The following CYP4F22 variants were observed in gnomAD, a reference collection of about 807,000 sequenced individuals.
CYP4F22 encodes the protein ultra-long-chain fatty acid omega-hydroxylase.
A neutral mutation model predicts 60.4 loss-of-function variants in CYP4F22; 37 were observed. That is an observed-to-expected ratio of 0.61 (90% CI 0.47 to 0.81). The LOEUF is 0.81. Among genes scored for constraint, CYP4F22 ranks in the 30% least tolerant of loss-of-function variants. The pLI is 0.00. For missense variants in CYP4F22, 655 were observed against 715.0 expected (o/e 0.92, Z 0.96); for synonymous variants, 258 against 280.5 (o/e 0.92, Z 0.80).
Position 15,529,828 on chromosome 19 carries a change from C to T in CYP4F22, c.342C>T (p.Tyr114=). 3 of 1,614,176 alleles carry T rather than the reference C, an allele frequency of 1.9e-6. No individual in the cohort carries two copies. Among genetic ancestry groups the T allele is most frequent in the Non-Finnish European group, 2.5e-6 (3 of 1,180,046 alleles). Residue 114 remains tyrosine (Y), a synonymous_variant, in exon 4 of 14, where the codon TAC becomes TAT. Transcript: ENST00000269703. Reference sequence around the variant, plus strand: ...TGTTGGTTCTGGTGCACCCTGATTACATCAAACCCCTTTTGGGAGCCTCAG... The same window carrying T: ...TGTTGGTTCTGGTGCACCCTGATTATATCAAACCCCTTTTGGGAGCCTCAG... ...LPLLVLVHPD[Y]IKPLLGASAA...
chr19:15,520,212 G>A (rs777778894), intron 1 of CYP4F22, among the ~76,000 whole-genome samples: 16 of 151,802 alleles, frequency 1.1e-4, no homozygotes, highest in Non-Finnish European at 2.4e-4. Context: ...TGGGCGTGGT[G>A]GTGGGCGCCT....
At chr19:15,519,682 C>T (rs1288643526) in intron 1 of CYP4F22, among the ~76,000 whole-genome samples, 1 of 152,064 alleles carries the variant, frequency 6.6e-6, no homozygotes, top group African/African-American at 2.4e-5. Flanking sequence ...ATAGGAGTCA[C>T]AGGCTGTTAG....
Position 15,540,631 on chromosome 19 carries a change from G to T in CYP4F22, c.853G>T (p.Ala285Ser). Reference protein sequence around the residue: ...TTEVIQERRRALRQQGAEAWL... With the variant: ...TTEVIQERRRSLRQQGAEAWL... ...TGAAGTCATCCAGGAACGGCGGCGG[G>T]CACTGCGTCAGCAGGGGGCCGAGGC... Residue 285 changes from alanine to serine, a missense_variant, in exon 8 of 14, where the codon GCA becomes TCA. Coordinates refer to ENST00000269703, the MANE Select transcript of CYP4F22 (RefSeq NM_173483.4). The T allele has an allele frequency of 1.2e-6, 2 of 1,614,252 alleles. No homozygotes were observed. Among genetic ancestry groups the T allele is most frequent in the Non-Finnish European group, 1.7e-6 (2 of 1,180,052 alleles).
chr19:15,529,442 A>G (rs996152232), intron 3 of CYP4F22, among the ~76,000 whole-genome samples: 4 of 152,058 alleles, frequency 2.6e-5, no homozygotes, highest in African/African-American at 9.7e-5. Context: ...ATTTTTAGCT[A>G]TTGAACATCA....
chr19:15,511,948 G>A (rs542936273), intron 1 of CYP4F22, among the ~76,000 whole-genome samples: 10 of 152,334 alleles, frequency 6.6e-5, no homozygotes, highest in Non-Finnish European at 1.3e-4. Context: ...GCCCTGGCAG[G>A]GCAGGGCCAC....
At chr19:15,512,035 A>T (rs1220984486) in intron 1 of CYP4F22, among the ~76,000 whole-genome samples, 1 of 152,202 alleles carries the variant, frequency 6.6e-6, no homozygotes, top group African/African-American at 2.4e-5. Context: ...CGCCCACAAC[A>T]TTCTGAGGGT....
rs1971602075 is a variant in CYP4F22 at position 15,551,795 on chromosome 19, C to T, written c.*324C>T. On this transcript the variant is annotated 3_prime_UTR_variant, in exon 14 of 14. Coordinates refer to ENST00000269703, the MANE Select transcript of CYP4F22 (RefSeq NM_173483.4). ...CCCCAGGATCCTACGGATTGAGGTC[C>T]TCAGGCCACGCCCCTGCAGATCCAG... 2.2e-6 allele frequency: 1 copy of T among 451,732 alleles called. No individual in the cohort carries two copies. Among genetic ancestry groups the T allele is most frequent in the African/African-American group, 2.0e-5 (1 of 49,762 alleles). The allele number at this position is 451,732 out of a possible 1,614,324, so 28.0% of individuals were successfully genotyped here. A position where few individuals can be genotyped will look rare whatever the true frequency, so the allele number is the denominator to read the frequency against.
intron 11 of CYP4F22, among the ~76,000 whole-genome samples, 175 bp downstream of exon 11, chr19:15,548,416 G>A (rs1324150625): frequency 6.6e-6 from 1 of 152,146 alleles, no homozygotes; most frequent in African/African-American, 2.4e-5. Flanking sequence ...TGTGTGCAGG[G>A]AGATAGAGCC....
At chr19:15,535,866 T>C (rs2144525755) in intron 4 of CYP4F22, among the ~76,000 whole-genome samples, 1 of 152,324 alleles carries the variant, frequency 6.6e-6, no homozygotes, top group Non-Finnish European at 1.5e-5. Flanking sequence ...ACACGAACCC[T>C]CCTGTTAAGG....
chr19:15,526,906 C>T (rs79746049), intron 3 of CYP4F22, among the ~76,000 whole-genome samples: 2,529 of 152,148 alleles, frequency 0.017, 81 homozygotes, highest in African/African-American at 0.058. Context: ...GTGCATGCCC[C>T]CACGCCTGGC....
At chr19:15,522,585 A>T (rs192030476) in intron 1 of CYP4F22, among the ~76,000 whole-genome samples, 1 of 152,202 alleles carries the variant, frequency 6.6e-6, no homozygotes, top group African/African-American at 2.4e-5. Context: ...CTGAGGTGGG[A>T]GGATTGCTTC....
chr19:15,547,982 AGAGAGAGAGAGAGGGAGAGAGTGT>A lies in CYP4F22; in HGVS notation c.1137-124_1137-101del, dbSNP rs1202186622. On this transcript the variant is annotated intron_variant, in intron 10 of 13. Transcript: ENST00000269703. ...CCAGCTGCCCCTGAGAGAGAGAGAG[AGAGAGAGAGAGAGGGAGAGAGTGT>A]GTGTGTGTGTGTGTGTGTGTGTGTG... 1.0e-5 allele frequency: 11 copies of A among 1,068,562 alleles called. No individual in the cohort carries two copies. The Admixed American group carries it at 1.8e-4, about 17-fold the overall frequency. The allele number at this position is 1,068,562 out of a possible 1,614,324, so 66.2% of individuals were successfully genotyped here. A position where few individuals can be genotyped will look rare whatever the true frequency, so the allele number is the denominator to read the frequency against.
intron 12 of CYP4F22, among the ~76,000 whole-genome samples, chr19:15,549,656 C>G (rs1171976564): frequency 6.6e-6 from 1 of 151,054 alleles, no homozygotes; most frequent in Non-Finnish European, 1.5e-5. Flanking sequence ...AGCGAGACCC[C>G]CCATCTCTAC....
intron 10 of CYP4F22, 37 bp from the exon 11 acceptor site, chr19:15,548,071 G>T (rs1038888647): frequency 6.2e-7 from 1 of 1,601,520 alleles, no homozygotes; most frequent in South Asian, 1.1e-5. Flanking sequence ...TGGTGCCATG[G>T]TGGCTCGGCC....
In CYP4F22 at chr19:15,543,953, C is replaced by A; in HGVS notation, c.940-18C>A. On this transcript the variant is annotated intron_variant, in intron 8 of 13. Transcript: ENST00000269703. Reference sequence around the variant, plus strand: ...GGTGGGATGAAGTGGGCTGAGCACCCTCTACTGCCCATTCCAGGATGAAGA... The same window carrying A: ...GGTGGGATGAAGTGGGCTGAGCACCATCTACTGCCCATTCCAGGATGAAGA... 6.2e-7 allele frequency: 1 copy of A among 1,613,880 alleles called. No individual in the cohort carries two copies. Among genetic ancestry groups the A allele is most frequent in the Non-Finnish European group, 8.5e-7 (1 of 1,179,990 alleles).
chr19:15,537,757 C>A, intron 6 of CYP4F22, 95 bp downstream of exon 6: 3 of 1,605,920 alleles, frequency 1.9e-6, no homozygotes, highest in Non-Finnish European at 2.5e-6. Context: ...ATGTCAGGAG[C>A]CCTCACTGAC....
At chr19:15,508,656 G>C (rs1568350243) in intron 1 of CYP4F22, 73 bp downstream of exon 1, 1 of 152,388 alleles carries the variant, frequency 6.6e-6, no homozygotes. Context: ...AGGCTCGCGC[G>C]GTTCGGTGCT....
At chr19:15,520,774 GT>G (rs113575189) in intron 1 of CYP4F22, among the ~76,000 whole-genome samples, 5,829 of 107,694 alleles carry the variant, frequency 0.054, 437 homozygotes, top group African/African-American at 0.18. Flanking sequence ...TTGTTTTTTT[GT>G]TTTTTTTTTT....
chr19:15,525,880 A>T (rs1971277646), intron 3 of CYP4F22, among the ~76,000 whole-genome samples: 1 of 152,012 alleles, frequency 6.6e-6, no homozygotes, highest in Admixed American at 6.6e-5. Context: ...TTCAAAAATT[A>T]TATGGGTGTG....
Sources: allele counts gnomAD v4.1 joint callset (sites outside exome capture counted in the v4.1 genomes callset), GRCh38; gene constraint gnomAD v4.1.1; transcripts MANE v1.5; gene names NCBI Gene and HGNC (gene_info 2026-07-23, HGNC 2026-07-21).